The following P4HA2 variants were observed in gnomAD, a reference collection of about 807,000 sequenced individuals.
P4HA2 encodes the protein prolyl 4-hydroxylase subunit alpha 2.
A neutral mutation model predicts 76.9 loss-of-function variants in P4HA2; 46 were observed. The ratio of observed to expected loss-of-function variants is 0.60; its 90% CI spans 0.47 to 0.76. The LOEUF is 0.76. P4HA2 is among the 30% of genes least tolerant of loss of function. The probability of loss-of-function intolerance (pLI) is 0.00; values close to 1 mark genes in which losing one functional copy is unlikely to be tolerated. For missense variants in P4HA2, 583 were observed against 669.4 expected, an observed-to-expected ratio of 0.87 and a Z score of 1.42; for synonymous variants, 243 against 254.0, an observed-to-expected ratio of 0.96 and a Z score of 0.41.
At chr5:132,203,576 A>C (rs1364904887) in intron 10 of P4HA2, 172 bp downstream of exon 10, 2 of 602,062 alleles carry the variant, frequency 3.3e-6, no homozygotes, top group South Asian at 2.0e-5. Context: ...AATTGTTGAA[A>C]GCCAGCAGGC....
chr5:132,195,667 T>C, intron 12 of P4HA2, 187 bp from the exon 13 acceptor site: 1 of 622,310 alleles, frequency 1.6e-6, no homozygotes, highest in South Asian at 1.9e-5. Flanking sequence ...CCAGTGTGAT[T>C]CATTAGAACA....
intron 1 of P4HA2, among the ~76,000 whole-genome samples, chr5:132,223,406 G>A (rs1449119461): frequency 6.6e-6 from 1 of 152,196 alleles, no homozygotes; most frequent in African/African-American, 2.4e-5. Context: ...TGGACTACAG[G>A]TGTGTGCCAC....
In P4HA2 at chr5:132,203,766, C is replaced by A; in HGVS notation, c.1233G>T (p.Lys411Asn). The A allele has an allele frequency of 6.2e-7, 1 of 1,607,892 alleles. No homozygotes were observed. Among genetic ancestry groups the A allele is most frequent in the Non-Finnish European group, 8.5e-7 (1 of 1,174,260 alleles). ...TCTGTACCTGTAACAATTCTGCAGT[C>A]TTTACTGTTAACCCTGTGATATGCT... ...RMQHITGLTV[K>N]TAELLQVANY... Residue 411 changes from lysine to asparagine, a missense_variant, in exon 10 of 15, where the codon AAG becomes AAT. Coordinates refer to ENST00000360568, the MANE Select transcript of P4HA2 (RefSeq NM_001017974.2).
chr5:132,212,721 T>A (rs1382015221), intron 5 of P4HA2, among the ~76,000 whole-genome samples: 5 of 152,094 alleles, frequency 3.3e-5, no homozygotes, highest in Non-Finnish European at 7.4e-5. Flanking sequence ...CTGGGGAAGG[T>A]GCTCAGGGAG....
chr5:132,222,539 A>C (rs1184302506), intron 1 of P4HA2, among the ~76,000 whole-genome samples: 1 of 152,128 alleles, frequency 6.6e-6, no homozygotes, highest in Non-Finnish European at 1.5e-5. Context: ...ATGGTTTATC[A>C]AAGCCCTCCT....
chr5:132,193,653 A>G (rs1258004128), intron 14 of P4HA2: 1 of 152,246 alleles, frequency 6.6e-6, no homozygotes, highest in Non-Finnish European at 1.5e-5. Context: ...GAAGACTGTC[A>G]GCATTGCAGA....
intron 10 of P4HA2, chr5:132,200,498 CAT>C (rs1231336394): frequency 1.3e-5 from 2 of 156,018 alleles, no homozygotes; most frequent in Non-Finnish European, 2.9e-5. Flanking sequence ...GCTGAGAAAG[CAT>C]ATCTCTTTTT....
intron 4 of P4HA2, 59 bp downstream of exon 4, chr5:132,217,138 C>T: frequency 6.5e-7 from 1 of 1,543,032 alleles, no homozygotes; most frequent in Non-Finnish European, 8.9e-7. Context: ...GACACAACAA[C>T]CCAGGCATGA....
At chr5:132,220,673 G>A (rs1286700728) in intron 1 of P4HA2, among the ~76,000 whole-genome samples, 7 of 152,244 alleles carry the variant, frequency 4.6e-5, no homozygotes, top group Admixed American at 4.6e-4. Context: ...ATGAATACCA[G>A]CTGTGATTTC....
Position 132,194,381 on chromosome 5 carries a change from A to G in P4HA2, c.1531+545T>C, listed in dbSNP as rs115880502. 3.8e-3 allele frequency among the ~76,000 whole-genome samples: 581 copies of G among 152,294 alleles called. 1 individual carries two copies. The highest frequency in any genetic ancestry group is 0.013 in the South Asian group (64 of 4,820). On this transcript the variant is annotated intron_variant, in intron 14 of 14. Transcript: ENST00000360568. ...TCTCCTTACAAACACTTCCTGTCAT[A>G]TCCTGGTTTGAGCCTCTCCGAGGCT...
intron 9 of P4HA2, 111 bp downstream of exon 9, chr5:132,203,971 G>C: frequency 8.9e-7 from 1 of 1,128,510 alleles, no homozygotes; most frequent in Non-Finnish European, 1.4e-6. Context: ...CTGCAAGGGG[G>C]TGAGGAGGTG....
At chr5:132,198,987 G>T in intron 10 of P4HA2, 55 bp from the exon 11 acceptor site, 1 of 1,189,198 alleles carries the variant, frequency 8.4e-7, no homozygotes, top group Non-Finnish European at 1.3e-6. Context: ...CTCTGTAGCA[G>T]CCAATCACTC....
intron 4 of P4HA2, among the ~76,000 whole-genome samples, chr5:132,215,963 C>T (rs1580729784): frequency 6.8e-6 from 1 of 147,828 alleles, no homozygotes; most frequent in South Asian, 2.2e-4. Context: ...AGATCAAGAA[C>T]ATCCTAGCCA....
chr5:132,225,271 T>G (rs1325812008), intron 1 of P4HA2, among the ~76,000 whole-genome samples: 1 of 152,122 alleles, frequency 6.6e-6, no homozygotes, highest in East Asian at 1.9e-4. Context: ...CATCACAGCT[T>G]TTCCTGCCAA....
At chr5:132,218,131 C>A (rs1196846746) in intron 2 of P4HA2, among the ~76,000 whole-genome samples, 1 of 152,192 alleles carries the variant, frequency 6.6e-6, no homozygotes, top group Non-Finnish European at 1.5e-5. Flanking sequence ...CCGACTGTTA[C>A]ATAGCTGGTC....
chr5:132,217,092 A>G (rs1039260300), intron 4 of P4HA2, 105 bp downstream of exon 4: 1 of 1,054,290 alleles, frequency 9.5e-7, no homozygotes, highest in African/African-American at 1.6e-5. Context: ...TCCACAATGT[A>G]CTTGCCCACC....
intron 12 of P4HA2, among the ~76,000 whole-genome samples, chr5:132,197,608 CAA>C (rs555319735): frequency 3.6e-5 from 2 of 55,200 alleles, no homozygotes; most frequent in Non-Finnish European, 7.2e-5. Flanking sequence ...ACTCCATCTC[CAA>C]AAAAAAAAAA....
chr5:132,211,772 G>A (rs1004568187), intron 5 of P4HA2, among the ~76,000 whole-genome samples: 7 of 152,140 alleles, frequency 4.6e-5, no homozygotes, highest in South Asian at 2.1e-4. Context: ...TCACTAGGGC[G>A]CCAACCAGCT....
intron 8 of P4HA2, among the ~76,000 whole-genome samples, chr5:132,204,378 C>T (rs977120287): frequency 1.3e-5 from 2 of 152,180 alleles, no homozygotes; most frequent in Admixed American, 1.3e-4. Flanking sequence ...TTGCCCTGCT[C>T]GGTCACTGCT....
Sources: gnomAD v4.1 joint callset for allele counts (sites outside exome capture counted in the v4.1 genomes callset) on GRCh38, gnomAD v4.1.1 for gene constraint, MANE v1.5 for transcripts, NCBI Gene and HGNC (gene_info 2026-07-23, HGNC 2026-07-21) for gene names.